Variants in CNTNAP2 observed in about 807,000 individuals in gnomAD.
CNTNAP2 encodes the protein contactin-associated protein-like 2.
In CNTNAP2, 98 loss-of-function variants were observed where a neutral mutation model predicts 155.2. The observed-to-expected ratio is 0.63, with a 90% confidence interval of 0.54 to 0.75. The LOEUF (loss-of-function observed/expected upper bound fraction) is 0.75. CNTNAP2 is among the 30% of genes least tolerant of loss of function. The probability of loss-of-function intolerance (pLI) is 0.00; values close to 1 mark genes in which losing one functional copy is unlikely to be tolerated. For missense variants in CNTNAP2, 1,727 were observed against 1,688.1 expected (o/e 1.02, Z -0.40); for synonymous variants, 651 against 631.2 (o/e 1.03, Z -0.47).
At chr7:146,590,492 A>C (rs990816463) in intron 1 of CNTNAP2, among the ~76,000 whole-genome samples, 1 of 152,186 alleles carries the variant, frequency 6.6e-6, no homozygotes, top group Non-Finnish European at 1.5e-5. Context: ...AATTAATGAA[A>C]GAAAACTCCA....
At chr7:146,874,428 C>A (rs924364855) in intron 3 of CNTNAP2, among the ~76,000 whole-genome samples, 4 of 152,152 alleles carry the variant, frequency 2.6e-5, no homozygotes, top group African/African-American at 9.7e-5. Context: ...TAACCGCTGT[C>A]TCCAGGGTTC....
Position 146,598,065 on chromosome 7 carries a change from TC to T in CNTNAP2, c.98-176203del, listed in dbSNP as rs368328898. On this transcript the variant is annotated intron_variant, in intron 1 of 23. Coordinates refer to ENST00000361727, the MANE Select transcript of CNTNAP2 (RefSeq NM_014141.6). ...AAACCTCAGCTCACACCAAATCCAG[TC>T]CCTGCCTACTCTGTTTAATCATGGA... 5.5e-3 allele frequency among the ~76,000 whole-genome samples: 835 copies of T among 152,164 alleles called. 3 individuals carry two copies. Among genetic ancestry groups the T allele is most frequent in the African/African-American group, 0.018 (750 of 41,534 alleles).
At chr7:147,704,788 C>A (rs1013870922) in intron 13 of CNTNAP2, among the ~76,000 whole-genome samples, 3 of 152,160 alleles carry the variant, frequency 2.0e-5, no homozygotes, top group Non-Finnish European at 2.9e-5. Flanking sequence ...CTTTTTATTT[C>A]TTGCTGATTC....
At chr7:146,724,400 A>G (rs1202276552) in intron 1 of CNTNAP2, among the ~76,000 whole-genome samples, 1 of 151,924 alleles carries the variant, frequency 6.6e-6, no homozygotes. Flanking sequence ...AGATGGCCAC[A>G]TGTGTACATT....
chr7:147,903,807 G>C, intron 14 of CNTNAP2, 86 bp downstream of exon 14: 1 of 1,504,452 alleles, frequency 6.6e-7, no homozygotes, highest in Non-Finnish European at 9.1e-7. Flanking sequence ...AGTTTGAAAA[G>C]TGCTATAATA....
At chr7:148,239,982 C>G (rs1352405660) in intron 20 of CNTNAP2, among the ~76,000 whole-genome samples, 2 of 152,156 alleles carry the variant, frequency 1.3e-5, no homozygotes, top group Admixed American at 1.3e-4. Context: ...CTCTCTTACC[C>G]CTGCCTACCA....
intron 21 of CNTNAP2, among the ~76,000 whole-genome samples, chr7:148,363,793 C>T (rs982123033): frequency 9.2e-5 from 14 of 151,802 alleles, no homozygotes; most frequent in Non-Finnish European, 2.1e-4. Flanking sequence ...GAGCCCACTC[C>T]CTCAGCTTGC....
chr7:148,307,175 G>A lies in CNTNAP2; in HGVS notation c.3475+40049G>A, dbSNP rs75726884. ...CTGTTTTCAGTACAGAGCCCCTGCC[G>A]TCCTATGCCTAGAGTCCTCCAACTG... On this transcript the variant is annotated intron_variant, in intron 21 of 23. Coordinates refer to ENST00000361727, the MANE Select transcript of CNTNAP2 (RefSeq NM_014141.6). Among the ~76,000 whole-genome samples, 1,460 of 152,228 alleles carry A rather than the reference G, an allele frequency of 9.6e-3. 32 individuals carry two copies. The highest frequency in any genetic ancestry group is 0.033 in the African/African-American group (1,379 of 41,542).
At chr7:147,867,974 C>T (rs7783462) in intron 13 of CNTNAP2, among the ~76,000 whole-genome samples, 8,226 of 152,152 alleles carry the variant, frequency 0.054, 745 homozygotes, top group African/African-American at 0.19. Context: ...CATTCTCTGT[C>T]CAGCTTTGTT....
chr7:147,063,570 C>T (rs975994964), intron 4 of CNTNAP2, among the ~76,000 whole-genome samples: 80 of 151,742 alleles, frequency 5.3e-4, no homozygotes, highest in Non-Finnish European at 9.4e-4. Flanking sequence ...GCATATTGGG[C>T]CCAAGAAAGT....
At chr7:148,334,019 G>A (rs1798075731) in intron 21 of CNTNAP2, among the ~76,000 whole-genome samples, 1 of 152,214 alleles carries the variant, frequency 6.6e-6, no homozygotes, top group Non-Finnish European at 1.5e-5. Context: ...TTCTTAGCGT[G>A]ACAAGTGATT....
chr7:147,879,376 G>A (rs914889937), intron 13 of CNTNAP2, among the ~76,000 whole-genome samples: 4 of 152,298 alleles, frequency 2.6e-5, no homozygotes, highest in Admixed American at 6.5e-5. Flanking sequence ...GCAAGTATTT[G>A]CTCTGACTCT....
chr7:147,564,410 C>CT (rs1562999424), intron 12 of CNTNAP2, among the ~76,000 whole-genome samples: 1 of 151,982 alleles, frequency 6.6e-6, no homozygotes, highest in Non-Finnish European at 1.5e-5. Flanking sequence ...TCATTTTTAT[C>CT]TTTTTAGCAC....
chr7:146,828,396 A>G (rs1803447771), intron 2 of CNTNAP2, among the ~76,000 whole-genome samples: 1 of 152,066 alleles, frequency 6.6e-6, no homozygotes, highest in African/African-American at 2.4e-5. Context: ...TTTAACTTAC[A>G]TTTTAAATAA....
rs1328380481 is a variant in CNTNAP2 at position 147,395,628 on chromosome 7, T to A, written c.1518T>A (p.Asn506Lys). The A allele has an allele frequency of 6.2e-7, 1 of 1,612,038 alleles. No individual in the cohort carries two copies. Among genetic ancestry groups the A allele is most frequent in the Non-Finnish European group, 8.5e-7 (1 of 1,178,520 alleles). The change falls in exon 10 of 24, where the codon AAT becomes AAA. Residue 506 changes from asparagine (N) to lysine (K), a missense_variant. Coordinates refer to ENST00000361727, the MANE Select transcript of CNTNAP2 (RefSeq NM_014141.6). Reference protein sequence around the residue: ...YFFGGFLNQMNNSSHSVLQPS... With the variant: ...YFFGGFLNQMKNSSHSVLQPS... ...TCACAGGTTTTCTGAACCAGATGAA[T>A]AACTCAAGTCACTCTGTCCTTCAGC...
chr7:146,505,047 C>T (rs1797362163), intron 1 of CNTNAP2, among the ~76,000 whole-genome samples: 1 of 152,196 alleles, frequency 6.6e-6, no homozygotes. Flanking sequence ...CCATCACAGA[C>T]ATTACAGGTC....
At chr7:146,402,874 C>A (rs955526702) in intron 1 of CNTNAP2, among the ~76,000 whole-genome samples, 1 of 152,026 alleles carries the variant, frequency 6.6e-6, no homozygotes, top group Admixed American at 6.6e-5. Flanking sequence ...TAATCAAATG[C>A]GGCTCTGGAT....
At chr7:148,345,902 C>T (rs1256636585) in intron 21 of CNTNAP2, among the ~76,000 whole-genome samples, 1 of 152,090 alleles carries the variant, frequency 6.6e-6, no homozygotes, top group Admixed American at 6.5e-5. Context: ...GGCTTAGCAA[C>T]TCCTATATGA....
chr7:148,401,339 T>C (rs1799577797), intron 22 of CNTNAP2, among the ~76,000 whole-genome samples: 2 of 152,158 alleles, frequency 1.3e-5, no homozygotes, highest in Admixed American at 1.3e-4. Context: ...TCCTTAACTG[T>C]AGAGAGGTTG....
Sources: gnomAD v4.1 joint callset for allele counts (sites outside exome capture counted in the v4.1 genomes callset) on GRCh38, gnomAD v4.1.1 for gene constraint, MANE v1.5 for transcripts, NCBI Gene and HGNC (gene_info 2026-07-23, HGNC 2026-07-21) for gene names.